Variants in METTL9 observed in about 807,000 individuals in gnomAD.
METTL9 encodes the protein methyltransferase 9, His-X-His N1(pi)-histidine, also known as protein-L-histidine N-pros-methyltransferase.
In METTL9, 10 loss-of-function variants were observed where a neutral mutation model predicts 36.0. The observed-to-expected ratio is 0.28, with a 90% CI of 0.17 to 0.47. METTL9 has a LOEUF of 0.47. Among genes scored for constraint, METTL9 ranks in the 20% least tolerant of loss-of-function variants. The pLI is 0.99. For missense variants in METTL9, 246 were observed against 383.5 expected (o/e 0.64, Z 3.00); for synonymous variants, 175 against 149.7 (o/e 1.17, Z -1.23).
chr16:21,623,783 T>C (rs901090350), intron 3 of METTL9, among the ~76,000 whole-genome samples: 22 of 152,126 alleles, frequency 1.4e-4, no homozygotes, highest in Admixed American at 1.4e-3. Flanking sequence ...TTGTTTTGTT[T>C]TGTTTTGAGA....
At chr16:21,611,968 T>G (rs1181357351) in intron 1 of METTL9, 1 of 152,232 alleles carries the variant, frequency 6.6e-6, no homozygotes, top group African/African-American at 2.4e-5. Context: ...GTCTTCTCGT[T>G]GATTGCAGTA....
intron 4 of METTL9, among the ~76,000 whole-genome samples, chr16:21,630,892 G>A (rs1965943520): frequency 6.6e-6 from 1 of 152,300 alleles, no homozygotes; most frequent in South Asian, 2.1e-4. Context: ...GAAAGGTGGT[G>A]TCTGATTTCA....
Position 21,647,642 on chromosome 16 carries a change from C to T in METTL9, c.752-7585C>T. 3.9e-6 allele frequency: 4 copies of T among 1,035,490 alleles called. No homozygotes were observed. The South Asian group carries it at 6.9e-5, about 18-fold the overall frequency. 64.1% of individuals were successfully genotyped at this position (1,035,490 alleles called of 1,614,324 possible). The stretch of plus-strand genomic sequence containing the variant: ...AGACTAAAAATAAACACCAGTGGTC[C>T]TCACTTGCCCCAACTCCTCCTGTTT... On this transcript the variant is annotated intron_variant, in intron 4 of 4. Transcript: ENST00000358154.
At chr16:21,616,482 G>GGATT (rs1485733057) in intron 2 of METTL9, among the ~76,000 whole-genome samples, 1 of 152,096 alleles carries the variant, frequency 6.6e-6, no homozygotes, top group African/African-American at 2.4e-5. Flanking sequence ...TCCTAAATAG[G>GGATT]GATTGCGCTT....
In METTL9 at chr16:21,652,568, G is replaced by A. The variant is rs758599428; in HGVS notation, c.752-2659G>A. The A allele has an allele frequency of 9.9e-6, 16 of 1,610,962 alleles. No homozygotes were observed. Among genetic ancestry groups the A allele is most frequent in the African/African-American group, 2.7e-5 (2 of 74,900 alleles). On this transcript the variant is annotated intron_variant, in intron 4 of 4. Coordinates refer to ENST00000358154, the MANE Select transcript of METTL9 (RefSeq NM_016025.5). ...AGAATGAGATTGGTTTGCAGATGGCGAGCGATGTTGCTTCTGCTCGCAGTC... is the reference window on the plus strand; with the variant it reads ...AGAATGAGATTGGTTTGCAGATGGCAAGCGATGTTGCTTCTGCTCGCAGTC...
chr16:21,606,316 G>A (rs1319176314), intron 1 of METTL9, among the ~76,000 whole-genome samples: 1 of 152,082 alleles, frequency 6.6e-6, no homozygotes, highest in Non-Finnish European at 1.5e-5. Context: ...CAGCCTGAGC[G>A]ACAGAGCGAG....
intron 4 of METTL9, chr16:21,640,942 T>G (rs932756456): frequency 3.3e-5 from 5 of 152,184 alleles, no homozygotes; most frequent in African/African-American, 1.2e-4. Flanking sequence ...TTGGATTTTC[T>G]GTATTTTGGC....
At chr16:21,655,123 G>A in intron 4 of METTL9, 104 bp from the exon 5 acceptor site, 1 of 1,005,856 alleles carries the variant, frequency 9.9e-7, no homozygotes, top group Non-Finnish European at 1.5e-6. Context: ...AAGCCCTCAG[G>A]CTTGGAACGT....
intron 4 of METTL9, chr16:21,644,388 G>A (rs911640770): frequency 8.1e-6 from 13 of 1,610,412 alleles, no homozygotes; most frequent in Non-Finnish European, 1.0e-5. Context: ...TTGCTGAGCA[G>A]CTTAATTTCT....
At position 21,628,698 on chromosome 16, in the gene METTL9, G is replaced by A. The variant is rs181395953; in HGVS notation, c.751+3583G>A. On this transcript the variant is annotated intron_variant, in intron 4 of 4. Coordinates refer to ENST00000358154, the MANE Select transcript of METTL9 (RefSeq NM_016025.5). ...TTTGGTAGAGAGGGCGTCTGGCGGC[G>A]TTGTCCAGGCTGGTCTTGAACTCTT... Among the ~76,000 whole-genome samples the A allele has an allele frequency of 1.3e-3, 192 of 152,062 alleles. 1 individual carries two copies. The highest frequency in any genetic ancestry group is 3.9e-3 in the African/African-American group (163 of 41,472).
chr16:21,652,516 A>G (rs1279139944), intron 4 of METTL9: 3 of 1,598,544 alleles, frequency 1.9e-6, no homozygotes, highest in East Asian at 2.2e-5. Flanking sequence ...AAGGAGGAGA[A>G]GAAAAAGAAC....
intron 1 of METTL9, 93 bp from the exon 2 acceptor site, chr16:21,612,552 G>A (rs1258534778): frequency 8.3e-7 from 1 of 1,201,250 alleles, no homozygotes; most frequent in African/African-American, 1.6e-5. Flanking sequence ...TCTTAGATGT[G>A]ATTTAGTCTT....
At chr16:21,644,968 T>C (rs1401552394) in intron 4 of METTL9, among the ~76,000 whole-genome samples, 2 of 152,218 alleles carry the variant, frequency 1.3e-5, no homozygotes, top group Non-Finnish European at 2.9e-5. Flanking sequence ...TTCTTTATGA[T>C]AAAATTCTGG....
At position 21,612,749 on chromosome 16, in the gene METTL9, G is replaced by A; in HGVS notation, c.270G>A (p.Glu90=). The change falls in exon 2 of 5, where the codon GAG becomes GAA. Residue 90 remains glutamate, a synonymous_variant. Transcript: ENST00000358154. Reference sequence around the variant, plus strand: ...AGATCTTCTTAAACAACAGCATTGAGAAATCGGGCTGGCTATTTATCCAAT... The same window carrying A: ...AGATCTTCTTAAACAACAGCATTGAAAAATCGGGCTGGCTATTTATCCAAT... ...GTQIFLNNSI[E]KSGWLFIQLY... 6.2e-7 allele frequency: 1 copy of A among 1,612,980 alleles called. No homozygotes were observed. Among genetic ancestry groups the A allele is most frequent in the Non-Finnish European group, 8.5e-7 (1 of 1,179,770 alleles).
intron 3 of METTL9, among the ~76,000 whole-genome samples, chr16:21,622,499 G>A (rs1179165529): frequency 2.0e-5 from 3 of 152,038 alleles, no homozygotes; most frequent in Non-Finnish European, 4.4e-5. Context: ...TCATTTTCTT[G>A]AAAATAATAA....
At chr16:21,641,712 G>C (rs1427337951) in intron 4 of METTL9, 1 of 521,268 alleles carries the variant, frequency 1.9e-6, no homozygotes, top group African/African-American at 2.0e-5. Flanking sequence ...TGTCCATATG[G>C]TAATCTTAAA....
chr16:21,644,275 G>T (rs906654210), intron 4 of METTL9: 2 of 1,533,202 alleles, frequency 1.3e-6, no homozygotes, highest in Non-Finnish European at 1.8e-6. Flanking sequence ...TTCCATGCAA[G>T]AGGATTTGAC....
chr16:21,641,204 C>T (rs1966256859), intron 4 of METTL9: 1 of 182,578 alleles, frequency 5.5e-6, no homozygotes, highest in African/African-American at 2.3e-5. Context: ...CCACTCAAGA[C>T]TGAGGCACAT....
intron 1 of METTL9, among the ~76,000 whole-genome samples, chr16:21,603,067 A>G (rs1277105867): frequency 6.6e-6 from 1 of 152,164 alleles, no homozygotes; most frequent in Non-Finnish European, 1.5e-5. Flanking sequence ...CTGCAAGCCT[A>G]AAACATTTAC....
Sources: gnomAD v4.1 joint callset for allele counts (sites outside exome capture counted in the v4.1 genomes callset) on GRCh38, gnomAD v4.1.1 for gene constraint, MANE v1.5 for transcripts, NCBI Gene and HGNC (gene_info 2026-07-23, HGNC 2026-07-21) for gene names.